SCN8A: variants seen among roughly 807,000 people sequenced by gnomAD.
SCN8A encodes sodium voltage-gated channel alpha subunit 8.
A neutral mutation model predicts 184.1 loss-of-function variants in SCN8A; 30 were observed. That is an observed-to-expected ratio of 0.16 (90% CI 0.12 to 0.22). SCN8A has a LOEUF of 0.22. SCN8A is among the 10% of genes least tolerant of loss of function. The pLI is 1.00. For synonymous variants in SCN8A, 852 were observed against 907.0 expected (o/e 0.94, Z 1.09); for missense variants, 1,057 against 2,498.9 (o/e 0.42, Z 12.30).
chr12:51,684,150 TTCTC>T lies in SCN8A; in HGVS notation c.277-18_277-15del, dbSNP rs765408317. The T allele has an allele frequency of 1.4e-5, 16 of 1,150,286 alleles. No homozygotes were observed. The highest frequency in any genetic ancestry group is 2.5e-5 in the South Asian group (2 of 81,594). 71.3% of individuals were successfully genotyped at this position (1,150,286 alleles called of 1,614,324 possible). ...TGACTCATACCCATGCTTTAATAAT[TTCTC>T]TCTCTTTCTTTCTCCACAGACCTTT... On this transcript the variant is annotated intron_variant, in intron 2 of 26. Transcript: ENST00000627620.
At position 51,752,418 on chromosome 12, in the gene SCN8A, T is replaced by TCA. The variant is rs149943877; in HGVS notation, c.2370+841_2370+842dup. On this transcript the variant is annotated intron_variant, in intron 14 of 26. Transcript: ENST00000627620. Reference sequence around the variant, plus strand: ...CTCTCTCACTCTCTCTCTCCCTCTCTCACACACACACACACACCACACACC... The same window carrying TCA: ...CTCTCTCACTCTCTCTCTCCCTCTCTCACACACACACACACACACCACACACC... Among the ~76,000 whole-genome samples, 124 of 150,472 alleles carry TCA rather than the reference T, an allele frequency of 8.2e-4. 5 individuals carry two copies. Among genetic ancestry groups the TCA allele is most frequent in the South Asian group, 1.9e-3 (9 of 4,768 alleles).
chr12:51,723,862 C>T (rs1942114637), intron 12 of SCN8A, among the ~76,000 whole-genome samples: 1 of 150,084 alleles, frequency 6.7e-6, no homozygotes, highest in Non-Finnish European at 1.5e-5. Context: ...AAAAAAAAAT[C>T]TGTAAGGGTG....
At chr12:51,700,774 T>C (rs1941674256) in intron 7 of SCN8A, among the ~76,000 whole-genome samples, 1 of 152,192 alleles carries the variant, frequency 6.6e-6, no homozygotes, top group Non-Finnish European at 1.5e-5. Context: ...AAAATATCTT[T>C]GATAAAGACA....
intron 12 of SCN8A, among the ~76,000 whole-genome samples, chr12:51,738,019 TG>T (rs1177202779): frequency 6.6e-6 from 1 of 152,218 alleles, no homozygotes; most frequent in Non-Finnish European, 1.5e-5. Context: ...CTATCCAAAT[TG>T]GCTTGTCTGT....
At chr12:51,691,307 C>T (rs1167226373) in intron 6 of SCN8A, among the ~76,000 whole-genome samples, 1 of 152,188 alleles carries the variant, frequency 6.6e-6, no homozygotes, top group Non-Finnish European at 1.5e-5. Context: ...TAGTCTAGCT[C>T]ATAGCTTCTG....
chr12:51,637,760 A>G (rs955537376), intron 1 of SCN8A, among the ~76,000 whole-genome samples: 2 of 152,238 alleles, frequency 1.3e-5, no homozygotes, highest in African/African-American at 4.8e-5. Flanking sequence ...GAGAAGCTAC[A>G]GTAAGTTATC....
chr12:51,651,884 T>C (rs1447868423), intron 1 of SCN8A, among the ~76,000 whole-genome samples: 1 of 152,252 alleles, frequency 6.6e-6, no homozygotes, highest in Non-Finnish European at 1.5e-5. Flanking sequence ...ATGGGTCTTC[T>C]GCTACTACTT....
chr12:51,765,172 G>GT (rs370343333), intron 15 of SCN8A, among the ~76,000 whole-genome samples: 134 of 148,598 alleles, frequency 9.0e-4, no homozygotes, highest in Middle Eastern at 3.5e-3. Context: ...TATCACAACG[G>GT]TTTTTTTTTT....
rs1592178153 is a variant in SCN8A at position 51,811,301 on chromosome 12, C to T, written c.*3872C>T. 6.6e-6 allele frequency: 1 copy of T among 152,072 alleles called. No individual in the cohort carries two copies. Among genetic ancestry groups the T allele is most frequent in the Non-Finnish European group, 1.5e-5 (1 of 68,044 alleles). The allele number at this position is 152,072 out of a possible 1,614,324, so 9.4% of individuals were successfully genotyped here. A position where few individuals can be genotyped will look rare whatever the true frequency, so the allele number is the denominator to read the frequency against. The stretch of plus-strand genomic sequence containing the variant: ...CAAGGTCCTGACCCCCCCCAGATCC[C>T]CACTCACCCATTGCATGTGGCATTC... On this transcript the variant is annotated 3_prime_UTR_variant, in exon 27 of 27. Coordinates refer to ENST00000627620, the MANE Select transcript of SCN8A (RefSeq NM_001330260.2).
At chr12:51,792,032 A>G (rs1444777719) in intron 25 of SCN8A, among the ~76,000 whole-genome samples, 1 of 152,220 alleles carries the variant, frequency 6.6e-6, no homozygotes, top group Non-Finnish European at 1.5e-5. Flanking sequence ...CATGGAGCTT[A>G]TAATAGTTGG....
At chr12:51,792,317 CAAAAAAA>C (rs71092722) in intron 25 of SCN8A, among the ~76,000 whole-genome samples, 4 of 84,826 alleles carry the variant, frequency 4.7e-5, no homozygotes, top group Middle Eastern at 6.3e-3. Context: ...CCCATCTGTA[CAAAAAAA>C]AAAAAAAAAA....
At position 51,643,567 on chromosome 12, in the gene SCN8A, A is replaced by G. The variant is rs111670010; in HGVS notation, c.-54-19197A>G. On this transcript the variant is annotated intron_variant, in intron 1 of 26. Transcript: ENST00000627620. ...GATCTATATTGTTGAAAGAATTGCC[A>G]TTGAATTCTGGAGTTGAAAGAGAGC... 5.2e-3 allele frequency among the ~76,000 whole-genome samples: 793 copies of G among 152,308 alleles called. 3 individuals carry two copies. Among genetic ancestry groups the G allele is most frequent in the African/African-American group, 0.018 (753 of 41,566 alleles).
intron 5 of SCN8A, among the ~76,000 whole-genome samples, chr12:51,688,204 C>T (rs1033680573): frequency 3.9e-5 from 6 of 152,186 alleles, no homozygotes; most frequent in African/African-American, 1.4e-4. Context: ...TTGCTCTGAT[C>T]CCATGATTTG....
At position 51,769,230 on chromosome 12, in the gene SCN8A, C is replaced by A. The variant is rs761386688; in HGVS notation, c.3267C>A (p.Asn1089Lys). The change falls in exon 17 of 27, where the codon AAC becomes AAA. Residue 1089 changes from asparagine to lysine, a missense_variant. Asn to Lys is a moderately conservative substitution (Grantham distance 94). Transcript: ENST00000627620. ...AGGACCACATGTCCTTCATCAACAACCCCAACTTGACTGTACGGGTACCCA... is the reference window on the plus strand; with the variant it reads ...AGGACCACATGTCCTTCATCAACAAACCCAACTTGACTGTACGGGTACCCA... The part of the protein sequence containing the change: ...IDEDHMSFIN[N>K]PNLTVRVPIA... The A allele has an allele frequency of 8.1e-6, 13 of 1,614,004 alleles. 1 individual carries two copies. Among genetic ancestry groups the A allele is most frequent in the South Asian group, 5.5e-5 (5 of 91,076 alleles).
At chr12:51,777,935 T>G (rs910026151) in intron 20 of SCN8A, among the ~76,000 whole-genome samples, 16 of 152,240 alleles carry the variant, frequency 1.1e-4, no homozygotes, top group African/African-American at 3.9e-4. Context: ...TAAGGCCTCA[T>G]GAAGAATCTG....
At chr12:51,697,164 A>G (rs1479249599) in intron 6 of SCN8A, among the ~76,000 whole-genome samples, 1 of 152,148 alleles carries the variant, frequency 6.6e-6, no homozygotes, top group Non-Finnish European at 1.5e-5. Context: ...GGAGAAAAAT[A>G]ATCAGATTAT....
chr12:51,660,837 A>G (rs1024295896), intron 1 of SCN8A, among the ~76,000 whole-genome samples: 10 of 152,180 alleles, frequency 6.6e-5, no homozygotes, highest in South Asian at 6.2e-4. Context: ...GAGTGTAGAA[A>G]GGGAAATAAT....
At chr12:51,622,875 C>A (rs1457700228) in intron 1 of SCN8A, among the ~76,000 whole-genome samples, 1 of 152,102 alleles carries the variant, frequency 6.6e-6, no homozygotes, top group Non-Finnish European at 1.5e-5. Flanking sequence ...CCCCTTCTAC[C>A]TATTTGTTTA....
At chr12:51,773,009 C>T (rs1180831726) in intron 19 of SCN8A, among the ~76,000 whole-genome samples, 5 of 151,708 alleles carry the variant, frequency 3.3e-5, no homozygotes, top group Non-Finnish European at 7.4e-5. Flanking sequence ...CCCAGCTACT[C>T]GGAAGGCTGA....
Sources: gnomAD v4.1 joint callset for allele counts (sites outside exome capture counted in the v4.1 genomes callset) on GRCh38, gnomAD v4.1.1 for gene constraint, MANE v1.5 for transcripts, NCBI Gene and HGNC (gene_info 2026-07-23, HGNC 2026-07-21) for gene names.